UCHL5: variants seen among roughly 807,000 people sequenced by gnomAD.
UCHL5 encodes the protein ubiquitin carboxyl-terminal hydrolase isozyme L5.
A neutral mutation model predicts 53.8 loss-of-function variants in UCHL5; 34 were observed. That is an observed-to-expected ratio of 0.63 (90% CI 0.48 to 0.84). The LOEUF (loss-of-function observed/expected upper bound fraction) is 0.84, where lower values mean the gene tolerates loss of function less well. Ranked by LOEUF, UCHL5 falls within the 40% of genes least tolerant of loss-of-function variation. The probability of loss-of-function intolerance (pLI) is 0.00; values close to 1 mark genes in which losing one functional copy is unlikely to be tolerated. For synonymous variants in UCHL5, 111 were observed against 126.3 expected (o/e 0.88, Z 0.81); for missense variants, 290 against 385.6 (o/e 0.75, Z 2.08).
intron 1 of UCHL5, among the ~76,000 whole-genome samples, chr1:193,052,203 T>C (rs1669272661): frequency 6.6e-6 from 1 of 152,140 alleles, no homozygotes; most frequent in South Asian, 2.1e-4. Flanking sequence ...TAACTAATAC[T>C]TAACAGTAAC....
chr1:193,042,255 C>A (rs1013910162), intron 3 of UCHL5, among the ~76,000 whole-genome samples: 4 of 152,054 alleles, frequency 2.6e-5, no homozygotes, highest in Non-Finnish European at 5.9e-5. Context: ...AAGGGTTACA[C>A]TGGATGGAGA....
intron 3 of UCHL5, among the ~76,000 whole-genome samples, chr1:193,046,205 A>G (rs1363300252): frequency 6.6e-6 from 1 of 150,998 alleles, no homozygotes; most frequent in African/African-American, 2.4e-5. Context: ...CTAACTTTTT[A>G]TTTTTTTTAG....
At chr1:193,035,825 A>G (rs1171859435) in intron 3 of UCHL5, among the ~76,000 whole-genome samples, 1 of 152,150 alleles carries the variant, frequency 6.6e-6, no homozygotes, top group Non-Finnish European at 1.5e-5. Flanking sequence ...ACGTATATTG[A>G]CAAAACACAA....
upstream of UCHL5, chr1:193,060,025 C>T (rs758888734): frequency 1.0e-5 from 14 of 1,352,716 alleles, no homozygotes; most frequent in South Asian, 1.6e-4. Context: ...TTTCCGAAGC[C>T]GGGACCGCTC....
chr1:193,019,950 C>T, intron 10 of UCHL5: 4 of 981,522 alleles, frequency 4.1e-6, no homozygotes, highest in Non-Finnish European at 4.8e-6. Flanking sequence ...AACAGAAAAA[C>T]ATTTGATATG....
chr1:193,035,712 T>C (rs1462972142), intron 3 of UCHL5, among the ~76,000 whole-genome samples: 1 of 152,126 alleles, frequency 6.6e-6, no homozygotes, highest in Non-Finnish European at 1.5e-5. Context: ...ATTGTCACTA[T>C]GGTATGCAGT....
chr1:193,044,597 T>C lies in UCHL5; in HGVS notation c.246+5149A>G, dbSNP rs547975107. Among the ~76,000 whole-genome samples the C allele has an allele frequency of 1.2e-4, 19 of 152,136 alleles. No homozygotes were observed. In the East Asian group the frequency reaches 3.7e-3, roughly 29 times the overall value. ...ATTAGAGTATATGATCAGCACAAAA[T>C]AGCCAGTGTTACCTCTCTATATTGA... On this transcript the variant is annotated intron_variant, in intron 3 of 10. Transcript: ENST00000367454.
In UCHL5 at chr1:193,029,607, G is replaced by A. The variant is rs571320048; in HGVS notation, c.297C>T (p.Asn99=). The change falls in exon 4 of 11, where the codon AAC becomes AAT. Residue 99 remains asparagine, a synonymous_variant. Transcript: ENST00000367454. ...CTAAATGGACATCCTGGTGGGTACA[G>A]TTCAGTAACACACTCACTATGGCTT... ...ATQAIVSVLL[N]CTHQDVHLGE... 6.2e-7 allele frequency: 1 copy of A among 1,613,128 alleles called. No homozygotes were observed. Among genetic ancestry groups the A allele is most frequent in the Non-Finnish European group, 8.5e-7 (1 of 1,179,504 alleles).
intron 3 of UCHL5, among the ~76,000 whole-genome samples, chr1:193,035,275 C>G (rs115775323): frequency 1.4e-3 from 215 of 152,082 alleles, no homozygotes; most frequent in African/African-American, 5.0e-3. Context: ...CCAAAGAAAA[C>G]TACTCCAAGT....
upstream of UCHL5, chr1:193,059,512 G>C: frequency 6.3e-7 from 1 of 1,588,588 alleles, no homozygotes; most frequent in Non-Finnish European, 8.6e-7. This position sits in a 1 kb window ranked among gnomAD's most constrained non-coding sequence, Gnocchi z 4.9. Flanking sequence ...GGAAGGGCTG[G>C]GGCCTGAGAA....
At chr1:193,020,991 C>G (rs985776029) in intron 10 of UCHL5, 106 bp downstream of exon 10, 12 of 763,640 alleles carry the variant, frequency 1.6e-5, no homozygotes, top group Non-Finnish European at 2.1e-5. Flanking sequence ...TAAAAACGTA[C>G]AAGCTTCCAA....
intron 3 of UCHL5, among the ~76,000 whole-genome samples, chr1:193,037,758 A>C (rs1042003893): frequency 2.4e-4 from 36 of 152,128 alleles, no homozygotes; most frequent in African/African-American, 8.4e-4. Flanking sequence ...AAAAGTAACA[A>C]ACCAAATTAA....
intron 2 of UCHL5, among the ~76,000 whole-genome samples, chr1:193,051,276 A>G (rs1397331444): frequency 2.6e-5 from 4 of 152,122 alleles, no homozygotes; most frequent in African/African-American, 9.7e-5. Flanking sequence ...GGGAAGGAGA[A>G]AAGTTGTTTC....
intron 1 of UCHL5, among the ~76,000 whole-genome samples, chr1:193,054,059 G>C (rs1415946397): frequency 6.7e-6 from 1 of 148,920 alleles, no homozygotes; most frequent in Non-Finnish European, 1.5e-5. Context: ...AAATGAACTA[G>C]GTCTTTTAAA....
At chr1:193,039,061 C>T (rs989909362) in intron 3 of UCHL5, among the ~76,000 whole-genome samples, 1 of 152,072 alleles carries the variant, frequency 6.6e-6, no homozygotes, top group African/African-American at 2.4e-5. Context: ...AACAGTGAAT[C>T]TGAAAAAGAA....
intron 3 of UCHL5, among the ~76,000 whole-genome samples, chr1:193,040,900 A>G (rs1665328439): frequency 6.6e-6 from 1 of 152,210 alleles, no homozygotes; most frequent in African/African-American, 2.4e-5. Context: ...AGAAAGACAA[A>G]TATCTCATGT....
At chr1:193,045,286 A>G (rs2102754127) in intron 3 of UCHL5, among the ~76,000 whole-genome samples, 1 of 152,318 alleles carries the variant, frequency 6.6e-6, no homozygotes, top group East Asian at 1.9e-4. Context: ...ATTTACTGAT[A>G]CAGTCTCTAA....
chr1:193,053,040 C>T (rs1669560325), intron 1 of UCHL5, among the ~76,000 whole-genome samples: 1 of 152,154 alleles, frequency 6.6e-6, no homozygotes, highest in Non-Finnish European at 1.5e-5. Flanking sequence ...TTGCTCTATT[C>T]AGCAAATATC....
intron 1 of UCHL5, among the ~76,000 whole-genome samples, chr1:193,054,169 CTGTATTATA>C (rs1669945004): frequency 1.3e-5 from 2 of 152,180 alleles, no homozygotes; most frequent in Admixed American, 6.5e-5. Flanking sequence ...ACTAACACAT[CTGTATTATA>C]CCGATGGGTC....
Sources: allele counts gnomAD v4.1 joint callset (sites outside exome capture counted in the v4.1 genomes callset), GRCh38; gene constraint gnomAD v4.1.1; non-coding constraint Gnocchi (gnomAD v3.1); transcripts MANE v1.5; gene names NCBI Gene and HGNC (gene_info 2026-07-23, HGNC 2026-07-21).